Variants in TMPRSS11A observed in about 807,000 individuals in gnomAD.
TMPRSS11A encodes the protein transmembrane serine protease 11A, also known as transmembrane protease serine 11A.
A neutral mutation model predicts 58.9 loss-of-function variants in TMPRSS11A; 53 were observed. The ratio of observed to expected loss-of-function variants is 0.90; its 90% CI spans 0.72 to 1.13. The LOEUF is 1.13. Among genes scored for constraint, TMPRSS11A ranks in the 50% most tolerant of loss-of-function variants. TMPRSS11A has a pLI of 0.00. For missense variants in TMPRSS11A, 493 were observed against 499.3 expected (o/e 0.99, Z 0.12); for synonymous variants, 167 against 169.8 (o/e 0.98, Z 0.13).
Position 67,919,451 on chromosome 4 carries a change from T to A in TMPRSS11A, c.693-219A>T, listed in dbSNP as rs79709119. Among the ~76,000 whole-genome samples the A allele has an allele frequency of 9.1e-3, 1,387 of 152,334 alleles. 16 individuals carry two copies. Among genetic ancestry groups the A allele is most frequent in the African/African-American group, 0.031 (1,300 of 41,564 alleles). Reference sequence around the variant, plus strand: ...GAACTGATATTTAATACAAAACTATTGAATTTTAGAACTGTAATACACATA... The same window carrying A: ...GAACTGATATTTAATACAAAACTATAGAATTTTAGAACTGTAATACACATA... On this transcript the variant is annotated intron_variant, in intron 7 of 9. Transcript: ENST00000508048.
At chr4:67,947,294 A>G (rs1053119004) in intron 1 of TMPRSS11A, among the ~76,000 whole-genome samples, 8 of 152,218 alleles carry the variant, frequency 5.3e-5, no homozygotes, top group Non-Finnish European at 1.0e-4. Flanking sequence ...CATTATAATT[A>G]CACATGATTT....
At chr4:67,949,344 T>G (rs1344053912) in intron 1 of TMPRSS11A, among the ~76,000 whole-genome samples, 1 of 152,146 alleles carries the variant, frequency 6.6e-6, no homozygotes, top group Non-Finnish European at 1.5e-5. Context: ...GAAGAAGCTG[T>G]GAGCATCTGA....
intron 3 of TMPRSS11A, among the ~76,000 whole-genome samples, chr4:67,938,222 A>G (rs183671429): frequency 5.1e-4 from 77 of 152,080 alleles, no homozygotes; most frequent in African/African-American, 1.8e-3. Flanking sequence ...GCATCTGTTC[A>G]TGTTCTTTGC....
rs569839425 is a variant in TMPRSS11A at position 67,922,915 on chromosome 4, G to T, written c.532C>A (p.Arg178=). The T allele has an allele frequency of 2.5e-6, 4 of 1,613,914 alleles. No individual in the cohort carries two copies. The highest frequency in any genetic ancestry group is 2.7e-5 in the African/African-American group (2 of 75,040). ...CTGTTGACGTTTAATGGAACAACTC[G>T]TTTACCACAACCTGAAAAAAGATGA... ...ELTVQASCGK[R]VVPLNVNRIA... Residue 178 remains arginine, a synonymous_variant, in exon 7 of 10, where the codon CGA becomes AGA. Coordinates refer to ENST00000508048, the MANE Select transcript of TMPRSS11A (RefSeq NM_001114387.2).
intron 3 of TMPRSS11A, among the ~76,000 whole-genome samples, chr4:67,943,935 A>T (rs11931461): frequency 6.6e-6 from 1 of 151,948 alleles, no homozygotes; most frequent in African/African-American, 2.4e-5. Flanking sequence ...TTGAGTGAGA[A>T]TTCATGGGCA....
rs1453337954 is a variant in TMPRSS11A, at chr4:67,959,911, C to T, written c.11+3472G>A. On this transcript the variant is annotated intron_variant, in intron 1 of 9. Coordinates refer to ENST00000508048, the MANE Select transcript of TMPRSS11A (RefSeq NM_001114387.2). ...TATTCACAATAGCAAGACATGTAAT[C>T]AGCCTAGGTGCCCATCAATAGTGGA... is the stretch of plus-strand genomic sequence containing the variant. 3.3e-5 allele frequency among the ~76,000 whole-genome samples: 5 copies of T among 152,314 alleles called. No individual in the cohort carries two copies. The East Asian group carries it at 9.6e-4, about 29-fold the overall frequency.
At chr4:67,963,301 G>T (rs1721484115) in intron 1 of TMPRSS11A, 82 bp downstream of exon 1, 2 of 1,434,438 alleles carry the variant, frequency 1.4e-6, no homozygotes, top group Admixed American at 3.5e-5. Flanking sequence ...CACCTCACTA[G>T]CAGTCCTCTT....
intron 7 of TMPRSS11A, among the ~76,000 whole-genome samples, chr4:67,919,549 G>C (rs1720262528): frequency 6.6e-6 from 1 of 152,040 alleles, no homozygotes; most frequent in Admixed American, 6.6e-5. Context: ...TGAACTGCTG[G>C]GGATAAAGTG....
intron 1 of TMPRSS11A, among the ~76,000 whole-genome samples, chr4:67,961,466 C>T (rs1298238964): frequency 3.6e-5 from 5 of 138,304 alleles, no homozygotes; most frequent in African/African-American, 5.9e-5. Flanking sequence ...TCTTTTCTTT[C>T]CTTTCCTTTT....
chr4:67,942,751 T>C (rs185917923), intron 3 of TMPRSS11A, among the ~76,000 whole-genome samples: 101 of 152,258 alleles, frequency 6.6e-4, no homozygotes, highest in Non-Finnish European at 1.2e-3. Flanking sequence ...CATAGGTCTA[T>C]AAGGGGGTAA....
intron 8 of TMPRSS11A, among the ~76,000 whole-genome samples, 172 bp downstream of exon 8, chr4:67,918,800 GT>G (rs1337120772): frequency 6.6e-6 from 1 of 152,048 alleles, no homozygotes; most frequent in Non-Finnish European, 1.5e-5. Flanking sequence ...TTGTTTCTTT[GT>G]TTTTTATTCT....
At chr4:67,955,025 C>G (rs938981020) in intron 1 of TMPRSS11A, among the ~76,000 whole-genome samples, 3 of 152,056 alleles carry the variant, frequency 2.0e-5, no homozygotes, top group Non-Finnish European at 4.4e-5. Flanking sequence ...AGAAAATGAG[C>G]ATTTTAGTGT....
chr4:67,922,313 A>G (rs1351945477), intron 7 of TMPRSS11A, among the ~76,000 whole-genome samples: 2 of 152,206 alleles, frequency 1.3e-5, no homozygotes, highest in Non-Finnish European at 2.9e-5. Context: ...ACGGTTACCA[A>G]CTTCCGGCAT....
chr4:67,912,451 C>T lies in TMPRSS11A; in HGVS notation c.1096-948G>A, dbSNP rs140633251. 2.7e-3 allele frequency among the ~76,000 whole-genome samples: 413 copies of T among 152,266 alleles called. 6 individuals are homozygous for T. The highest frequency in any genetic ancestry group is 0.021 in the Admixed American group (327 of 15,292). On this transcript the variant is annotated intron_variant, in intron 9 of 9. Transcript: ENST00000508048. ...GTTGGACTAACAGTTTCAGGTCTTA[C>T]GTCTTCCACTTTCTTGATTTATTCC...
intron 1 of TMPRSS11A, among the ~76,000 whole-genome samples, chr4:67,960,484 C>T (rs1224857674): frequency 1.3e-5 from 2 of 152,038 alleles, no homozygotes; most frequent in Non-Finnish European, 2.9e-5. Context: ...GATAATATTA[C>T]CTAAGTCATA....
intron 1 of TMPRSS11A, among the ~76,000 whole-genome samples, chr4:67,955,757 A>G (rs1331880837): frequency 6.6e-6 from 1 of 152,188 alleles, no homozygotes; most frequent in Non-Finnish European, 1.5e-5. Context: ...AGGGATGAGT[A>G]AGACATGGTT....
chr4:67,934,113 C>CTTTTTATTATATAAATT (rs1720695036), intron 3 of TMPRSS11A, among the ~76,000 whole-genome samples: 2 of 152,192 alleles, frequency 1.3e-5, no homozygotes, highest in Admixed American at 1.3e-4. Flanking sequence ...TAAAAAGGAT[C>CTTTTTATTATATAAATT]CTTCTTTATA....
chr4:67,926,693 G>A (rs1229279230), intron 5 of TMPRSS11A, among the ~76,000 whole-genome samples: 1 of 152,212 alleles, frequency 6.6e-6, no homozygotes, highest in Non-Finnish European at 1.5e-5. Context: ...ACAGTCCTTG[G>A]AGCCCATCCC....
At chr4:67,920,070 T>C (rs1333611814) in intron 7 of TMPRSS11A, among the ~76,000 whole-genome samples, 1 of 152,168 alleles carries the variant, frequency 6.6e-6, no homozygotes. Context: ...GTAAAGTCTA[T>C]TAGATGACTG....
Sources: gnomAD v4.1 joint callset for allele counts (sites outside exome capture counted in the v4.1 genomes callset) on GRCh38, gnomAD v4.1.1 for gene constraint, MANE v1.5 for transcripts, NCBI Gene and HGNC (gene_info 2026-07-23, HGNC 2026-07-21) for gene names.